AP2B1: variants seen among roughly 807,000 people sequenced by gnomAD.
The protein encoded by AP2B1 is adaptor related protein complex 2 subunit beta 1, also known as AP-2 complex subunit beta.
A neutral mutation model predicts 102.0 loss-of-function variants in AP2B1; 23 were observed. That is an observed-to-expected ratio of 0.23 (90% confidence interval 0.16 to 0.32). The LOEUF (loss-of-function observed/expected upper bound fraction) is 0.32. Ranked by LOEUF, AP2B1 falls within the 10% of genes least tolerant of loss-of-function variation. The pLI, the probability that AP2B1 is intolerant of heterozygous loss-of-function variation, is 1.00. For synonymous variants in AP2B1, 381 were observed against 421.2 expected, an observed-to-expected ratio of 0.90 and a Z score of 1.17; for missense variants, 541 against 1,157.4, an observed-to-expected ratio of 0.47 and a Z score of 7.73.
chr17:35,645,490 A>G (rs532941254), intron 12 of AP2B1, among the ~76,000 whole-genome samples: 88 of 152,308 alleles, frequency 5.8e-4, no homozygotes, highest in African/African-American at 2.0e-3. Context: ...TCATTTCAAA[A>G]ATTTATCTTT....
rs771242944 is a variant in AP2B1 at position 35,627,445 on chromosome 17, T to C, written c.999T>C (p.Tyr333=). ...TTGTGAAGTACAATGATCCCATCTA[T>C]GTTAAACTAGAGAAGTTGGACATCA... The part of the protein sequence containing the change: ...VFFVKYNDPI[Y]VKLEKLDIMI... Residue 333 remains tyrosine (Y), a synonymous_variant, in exon 8 of 22, where the codon TAT becomes TAC. Coordinates refer to ENST00000610402, the MANE Select transcript of AP2B1 (RefSeq NM_001030006.2). 9 of 1,614,124 alleles carry C rather than the reference T, an allele frequency of 5.6e-6. No individual in the cohort carries two copies. The South Asian group carries it at 9.9e-5, about 18-fold the overall frequency.
intron 2 of AP2B1, chr17:35,597,134 C>G: frequency 2.0e-6 from 1 of 502,784 alleles, no homozygotes; most frequent in Non-Finnish European, 3.6e-6. Context: ...CGGAGACTGT[C>G]CCCACTGTTT....
chr17:35,709,290 G>A lies in AP2B1; in HGVS notation c.2521G>A (p.Val841Ile), dbSNP rs782165005. ...SCLIPLNVLF[V>I]EDGKMERQVF... is the part of the protein sequence containing the mutation. ...CCTCATCCCACTCAATGTGCTTTTTGTAGAAGATGGCAAAATGGGTAAGTA... is the reference window on the plus strand; with the variant it reads ...CCTCATCCCACTCAATGTGCTTTTTATAGAAGATGGCAAAATGGGTAAGTA... Residue 841 changes from valine (V) to isoleucine (I), a missense_variant, in exon 19 of 22, where the codon GTA (valine) becomes ATA (isoleucine). Coordinates refer to ENST00000610402, the MANE Select transcript of AP2B1 (RefSeq NM_001030006.2). 1.2e-6 allele frequency: 2 copies of A among 1,613,908 alleles called. No homozygotes were observed. The highest frequency in any genetic ancestry group is 2.2e-5 in the South Asian group (2 of 91,076).
At chr17:35,594,744 G>C (rs34937989) in intron 2 of AP2B1, among the ~76,000 whole-genome samples, 11,108 of 152,206 alleles carry the variant, frequency 0.073, 464 homozygotes, top group Middle Eastern at 0.11. Flanking sequence ...TTACTTGAGG[G>C]ACTTTGCACT....
chr17:35,626,645 G>A lies in AP2B1; in HGVS notation c.741G>A (p.Arg247=), dbSNP rs2074324554. 6.2e-7 allele frequency: 1 copy of A among 1,612,856 alleles called. No homozygotes were observed. The highest frequency in any genetic ancestry group is 8.5e-7 in the Non-Finnish European group (1 of 1,179,676). Residue 247 remains arginine (R), a synonymous_variant, in exon 7 of 22, where the codon CGG becomes CGA. Transcript: ENST00000610402. ...AQSICERVTP[R]LSHANSAVVL... ...GCATCTGTGAGCGGGTAACTCCCCG[G>A]CTATCCCATGCCAACTCAGCAGTGG...
intron 19 of AP2B1, 26 bp downstream of exon 19, chr17:35,709,334 T>C (rs782495025): frequency 6.3e-7 from 1 of 1,585,776 alleles, no homozygotes; most frequent in South Asian, 1.1e-5. Context: ...CCTGTCCTGC[T>C]GAATATACCT....
intron 1 of AP2B1, among the ~76,000 whole-genome samples, chr17:35,592,361 AT>A (rs2073126969): frequency 6.6e-6 from 1 of 151,816 alleles, no homozygotes; most frequent in Non-Finnish European, 1.5e-5. Flanking sequence ...ATATTTATAT[AT>A]TTTTTTCCCC....
At chr17:35,626,001 T>G (rs1417715584) in intron 6 of AP2B1, among the ~76,000 whole-genome samples, 1 of 152,176 alleles carries the variant, frequency 6.6e-6, no homozygotes, top group Non-Finnish European at 1.5e-5. Context: ...TTATGAGGCA[T>G]GTAAGTGTAG....
intron 18 of AP2B1, among the ~76,000 whole-genome samples, chr17:35,685,920 C>A (rs2075921389): frequency 6.6e-6 from 1 of 152,236 alleles, no homozygotes; most frequent in Admixed American, 6.5e-5. Context: ...TGCCACCACA[C>A]CCAGCTAATT....
chr17:35,653,934 C>T lies in AP2B1; in HGVS notation c.1796+3145C>T, dbSNP rs999156754. On this transcript the variant is annotated intron_variant, in intron 13 of 21. Coordinates refer to ENST00000610402, the MANE Select transcript of AP2B1 (RefSeq NM_001030006.2). ...ATTGAAACCTGCACATATAATTTTT[C>T]CTGTCGTCCTTCTAGAGTCCCCTGT... 4.6e-5 allele frequency among the ~76,000 whole-genome samples: 7 copies of T among 152,256 alleles called. No individual in the cohort carries two copies. In the South Asian group the frequency reaches 6.2e-4, roughly 14 times the overall value.
rs587699321 is a variant in AP2B1 at position 35,681,919 on chromosome 17, A to G, written c.2325-776A>G. Among the ~76,000 whole-genome samples the G allele has an allele frequency of 4.6e-5, 7 of 152,330 alleles. No homozygotes were observed. The East Asian group carries it at 1.4e-3, about 29-fold the overall frequency. On this transcript the variant is annotated intron_variant, in intron 17 of 21. Coordinates refer to ENST00000610402, the MANE Select transcript of AP2B1 (RefSeq NM_001030006.2). ...AGAAAATTATGATGTAACCAGTGTT[A>G]TAGCAAATTGGCATTGAGCACCTTG... is the stretch of plus-strand genomic sequence containing the variant.
intron 20 of AP2B1, among the ~76,000 whole-genome samples, chr17:35,713,224 C>G (rs1429336799): frequency 2.6e-5 from 4 of 152,226 alleles, no homozygotes; most frequent in Non-Finnish European, 4.4e-5. Flanking sequence ...GCCAATCGCT[C>G]CATGCTGTAG....
intron 10 of AP2B1, 61 bp downstream of exon 10, chr17:35,636,517 T>G (rs1359352914): frequency 1.6e-6 from 2 of 1,262,300 alleles, no homozygotes; most frequent in African/African-American, 1.5e-5. Flanking sequence ...TAAGGCACTT[T>G]GAAATTGCCT....
intron 2 of AP2B1, among the ~76,000 whole-genome samples, chr17:35,595,805 C>T (rs2142310894): frequency 6.6e-6 from 1 of 152,270 alleles, no homozygotes; most frequent in Admixed American, 6.5e-5. Flanking sequence ...CATTCAGTCT[C>T]AGCTTTTTCT....
intron 12 of AP2B1, 131 bp from the exon 13 acceptor site, chr17:35,650,399 G>A: frequency 9.0e-7 from 1 of 1,113,436 alleles, no homozygotes. Context: ...ACCACATCCA[G>A]CCTGAAGTAT....
At chr17:35,626,918 C>T in intron 7 of AP2B1, 76 bp downstream of exon 7, 1 of 1,338,026 alleles carries the variant, frequency 7.5e-7, no homozygotes, top group Non-Finnish European at 1.1e-6. Context: ...GTTAATTAGG[C>T]TAGTGTTAAT....
chr17:35,697,232 CTTCCT>C (rs1170892371), intron 18 of AP2B1, among the ~76,000 whole-genome samples: 2 of 152,220 alleles, frequency 1.3e-5, no homozygotes, highest in Non-Finnish European at 2.9e-5. Flanking sequence ...GAAGCTGTTG[CTTCCT>C]TGATATTAGG....
chr17:35,599,159 C>A (rs1205960934), intron 3 of AP2B1, among the ~76,000 whole-genome samples: 1 of 152,154 alleles, frequency 6.6e-6, no homozygotes, highest in African/African-American at 2.4e-5. Context: ...TAGGGATTAC[C>A]CATAAATCTC....
intron 5 of AP2B1, among the ~76,000 whole-genome samples, chr17:35,614,070 C>A (rs1012919157): frequency 1.3e-5 from 2 of 152,136 alleles, no homozygotes. Context: ...TTCTTTTTTG[C>A]TCTCAGAGGC....
Sources: allele counts gnomAD v4.1 joint callset (sites outside exome capture counted in the v4.1 genomes callset), GRCh38; gene constraint gnomAD v4.1.1; transcripts MANE v1.5; gene names NCBI Gene and HGNC (gene_info 2026-07-23, HGNC 2026-07-21).